SART1: variants seen among roughly 807,000 people sequenced by gnomAD.
SART1 encodes U4/U6.U5 tri-snRNP-associated protein 1.
In SART1, 28 loss-of-function variants were observed where a neutral mutation model predicts 105.0. The ratio of observed to expected loss-of-function variants is 0.27; its 90% CI spans 0.20 to 0.37. SART1 has a LOEUF of 0.37. Ranked by LOEUF, SART1 falls within the 10% of genes least tolerant of loss-of-function variation. The probability of loss-of-function intolerance (pLI) is 1.00; values close to 1 mark genes in which losing one functional copy is unlikely to be tolerated. For synonymous variants in SART1, 472 were observed against 462.9 expected (o/e 1.02, Z -0.25); for missense variants, 894 against 1,106.5 (o/e 0.81, Z 2.72).
chr11:65,979,231 C>A lies in SART1; in HGVS notation c.*201C>A. 1.5e-6 allele frequency: 1 copy of A among 666,482 alleles called. No homozygotes were observed. Among genetic ancestry groups the A allele is most frequent in the Admixed American group, 2.7e-5 (1 of 37,178 alleles). 41.3% of individuals were successfully genotyped at this position (666,482 alleles called of 1,614,324 possible). The stretch of plus-strand genomic sequence containing the variant: ...GATGGAAGAGAGAGCGAGCCCGGGT[C>A]CTCTAAGGCTCCTTCCTTCTCCCCT... On this transcript the variant is annotated 3_prime_UTR_variant, in exon 20 of 20. Transcript: ENST00000312397.
At chr11:65,967,886 A>G (rs1188327871) in intron 12 of SART1, 65 bp downstream of exon 12, 6 of 1,320,750 alleles carry the variant, frequency 4.5e-6, no homozygotes, top group Non-Finnish European at 6.0e-6. Flanking sequence ...CACCTGTGTC[A>G]TAGGCGACAG....
intron 1 of SART1, among the ~76,000 whole-genome samples, chr11:65,963,439 A>G (rs892804967): frequency 2.0e-5 from 3 of 151,982 alleles, no homozygotes; most frequent in Non-Finnish European, 4.4e-5. Flanking sequence ...AGGAGAAGGT[A>G]GGATGCAGGA....
In SART1 at chr11:65,976,916, ATGT is replaced by A. The variant is rs1855492269; in HGVS notation, c.1858-94_1858-92del. ...TCTGAGGAGTAAATGAGGAAATTAAATGTTGTGGAGGGCTGGTGCCTGGCAGGT... is the reference window on the plus strand; with the variant it reads ...TCTGAGGAGTAAATGAGGAAATTAAATGTGGAGGGCTGGTGCCTGGCAGGT... On this transcript the variant is annotated intron_variant, in intron 14 of 19. Transcript: ENST00000312397. The surrounding 1 kb of genome is among the most constrained non-coding windows in gnomAD (Gnocchi z 5.1). The A allele has an allele frequency of 1.7e-6, 2 of 1,193,032 alleles. No homozygotes were observed. Among genetic ancestry groups the A allele is most frequent in the Non-Finnish European group, 2.5e-6 (2 of 812,258 alleles). 73.9% of individuals were successfully genotyped at this position (1,193,032 alleles called of 1,614,324 possible).
chr11:65,963,854 G>T (rs1855195071), intron 1 of SART1, among the ~76,000 whole-genome samples: 4 of 152,198 alleles, frequency 2.6e-5, no homozygotes, highest in Admixed American at 1.3e-4. Flanking sequence ...GATGTCTTGG[G>T]TCAGGAAAGG....
chr11:65,967,878 C>A, intron 12 of SART1, 57 bp downstream of exon 12: 1 of 1,389,952 alleles, frequency 7.2e-7, no homozygotes, highest in Non-Finnish European at 9.5e-7. Flanking sequence ...CTCACGAGCA[C>A]CTGTGTCATA....
chr11:65,968,702 G>A (rs894484621), intron 12 of SART1, among the ~76,000 whole-genome samples: 3 of 152,278 alleles, frequency 2.0e-5, no homozygotes, highest in African/African-American at 7.2e-5. Flanking sequence ...CAACCAGCAG[G>A]TGTCTCAGGA....
In SART1 at chr11:65,964,493, C is replaced by A. The variant is rs1565312227; in HGVS notation, c.372-22C>A. On this transcript the variant is annotated intron_variant, in intron 2 of 19. Transcript: ENST00000312397. ...ACCCTGTGTCTTTAATAGCCCCTAA[C>A]ACTTGTATCTCTTGTTGTCAGCAAA... 4.3e-6 allele frequency: 7 copies of A among 1,612,992 alleles called. No individual in the cohort carries two copies. In the South Asian group the frequency reaches 7.7e-5, roughly 18 times the overall value.
Position 65,961,985 on chromosome 11 carries a change from G to A in SART1, c.205G>A (p.Gly69Arg). The stretch of plus-strand genomic sequence containing the variant: ...GGGCGAGCGCGGGAGCGGGCGGCGC[G>A]GGGCCGAAGCTGAGGCCCGGAGCAG... Reference protein sequence around the residue: ...RGGERGSGRRGAEAEARSSTH... With the variant: ...RGGERGSGRRRAEAEARSSTH... Residue 69 changes from glycine (G) to arginine (R), a missense_variant, in exon 1 of 20, where the codon GGG (glycine) becomes AGG (arginine). Gly to Arg is a moderately radical substitution (Grantham distance 125). This residue lies in a region of SART1 where 712 missense variants were observed against 778.2 expected (regional missense o/e 0.91). Coordinates refer to ENST00000312397, the MANE Select transcript of SART1 (RefSeq NM_005146.5). The A allele has an allele frequency of 6.6e-7, 1 of 1,520,882 alleles. No homozygotes were observed. The highest frequency in any genetic ancestry group is 8.8e-7 in the Non-Finnish European group (1 of 1,137,778). 94.2% of individuals were successfully genotyped at this position (1,520,882 alleles called of 1,614,324 possible).
At chr11:65,970,616 G>C (rs1419800461) in intron 12 of SART1, among the ~76,000 whole-genome samples, 1 of 116,778 alleles carries the variant, frequency 8.6e-6, no homozygotes, top group Non-Finnish European at 1.9e-5. Flanking sequence ...ATGGCCGATT[G>C]TTCTGGTGTT....
At chr11:65,969,870 A>G (rs1027782265) in intron 12 of SART1, among the ~76,000 whole-genome samples, 6 of 152,148 alleles carry the variant, frequency 3.9e-5, no homozygotes, top group Admixed American at 6.5e-5. Context: ...CTACAGGTGC[A>G]TGCCACCACG....
In SART1 at chr11:65,977,083, C is replaced by T. The variant is rs370669502; in HGVS notation, c.1927C>T (p.Leu643Phe). The change falls in exon 15 of 20, where the codon CTC (leucine) becomes TTC (phenylalanine). Residue 643 changes from leucine (L) to phenylalanine (F), a missense_variant. Leu to Phe is a conservative substitution (Grantham distance 22). This residue lies in a region of SART1 where 182 missense variants were observed against 328.3 expected (regional missense o/e 0.55). Transcript: ENST00000312397. ...GAATAGGGGGCTGGCAGCTGCCCTG[C>T]TCCTGTGTCAGAACAAAGGTAGGGA... ...IVNRGLAAALLLCQNKGLLET... is the reference protein window; with the variant it reads ...IVNRGLAAALFLCQNKGLLET... The T allele has an allele frequency of 1.2e-5, 20 of 1,613,358 alleles. No individual in the cohort carries two copies. Among genetic ancestry groups the T allele is most frequent in the African/African-American group, 2.7e-5 (2 of 74,924 alleles).
intron 15 of SART1, 48 bp from the exon 16 acceptor site, chr11:65,977,515 G>A: frequency 6.5e-7 from 1 of 1,537,784 alleles, no homozygotes; most frequent in Non-Finnish European, 9.0e-7. Context: ...CGGCCCTGGA[G>A]CTGTGGCTCT....
Position 65,962,061 on chromosome 11 carries a change from A to T in SART1, c.281A>T (p.Lys94Met), listed in dbSNP as rs1255808515. ...SQAEPSERRV[K>M]REKRDDGYEA... is the part of the protein sequence containing the mutation. ...GCAGAGCCCTCCGAGCGGCGCGTGA[A>T]GCGGGAGAAGCGCGATGACGGCTAC... The change falls in exon 1 of 20, where the codon AAG becomes ATG. Residue 94 changes from lysine (K) to methionine (M), a missense_variant. Coordinates refer to ENST00000312397, the MANE Select transcript of SART1 (RefSeq NM_005146.5). 1.6e-6 allele frequency: 2 copies of T among 1,232,762 alleles called. No individual in the cohort carries two copies. The highest frequency in any genetic ancestry group is 3.0e-5 in the Admixed American group (1 of 33,078). 76.4% of individuals were successfully genotyped at this position (1,232,762 alleles called of 1,614,324 possible). A position where few individuals can be genotyped will look rare whatever the true frequency, so the allele number is the denominator to read the frequency against.
rs755287286 is a variant in SART1, at chr11:65,978,983, C to T, written c.2385-29C>T. On this transcript the variant is annotated intron_variant, in intron 19 of 19. Coordinates refer to ENST00000312397, the MANE Select transcript of SART1 (RefSeq NM_005146.5). The surrounding 1 kb of genome is among the most constrained non-coding windows in gnomAD (Gnocchi z 6.8). ...GTGGCGTGGCCTGTGCCCGCCTCTG[C>T]AGCCTCACGCCCCTGTTCTTCTCTG... 1.9e-6 allele frequency: 3 copies of T among 1,613,986 alleles called. No homozygotes were observed. Among genetic ancestry groups the T allele is most frequent in the South Asian group, 1.1e-5 (1 of 91,090 alleles).
At position 65,978,215 on chromosome 11, in the gene SART1, G is replaced by T; in HGVS notation, c.2172+316G>T. 2.0e-6 allele frequency: 1 copy of T among 500,622 alleles called. No individual in the cohort carries two copies. The highest frequency in any genetic ancestry group is 3.6e-6 in the Non-Finnish European group (1 of 276,486). 31.0% of individuals were successfully genotyped at this position (500,622 alleles called of 1,614,324 possible). On this transcript the variant is annotated intron_variant, in intron 17 of 19. Transcript: ENST00000312397. This position sits in a 1 kb window ranked among gnomAD's most constrained non-coding sequence, Gnocchi z 6.8. ...TTTCCTGGCCCGCAGGGCCATTCCA[G>T]CGTCCAGGCCCTTCCAGCACTCTCG...
In SART1 at chr11:65,976,181, A is replaced by G. The variant is rs1449680049; in HGVS notation, c.1573-214A>G. Among the ~76,000 whole-genome samples the G allele has an allele frequency of 6.6e-6, 1 of 152,072 alleles. No homozygotes were observed. The highest frequency in any genetic ancestry group is 1.5e-5 in the Non-Finnish European group (1 of 68,014). On this transcript the variant is annotated intron_variant, in intron 12 of 19. Transcript: ENST00000312397. This position sits in a 1 kb window ranked among gnomAD's most constrained non-coding sequence, Gnocchi z 5.1. ...CTGTAGGATGTTGGGTATTCATTCA[A>G]AGGGCATCCAAACCCATTGATGGGT...
rs747866290 is a variant in SART1 at position 65,965,082 on chromosome 11, C to T, written c.428-10C>T. ...GCGGGCATAGCCTCACGTCTGGGCCCCCCTTCCAGAGGCGGGCACCAAGGA... is the reference window on the plus strand; with the variant it reads ...GCGGGCATAGCCTCACGTCTGGGCCTCCCTTCCAGAGGCGGGCACCAAGGA... On this transcript the variant is annotated splice_polypyrimidine_tract_variant and intron_variant, in intron 3 of 19. Coordinates refer to ENST00000312397, the MANE Select transcript of SART1 (RefSeq NM_005146.5). 5.1e-6 allele frequency: 8 copies of T among 1,567,624 alleles called. No homozygotes were observed. Among genetic ancestry groups the T allele is most frequent in the South Asian group, 4.7e-5 (4 of 85,172 alleles).
chr11:65,966,714 G>A (rs1855267325), intron 9 of SART1, among the ~76,000 whole-genome samples, 158 bp downstream of exon 9: 1 of 152,238 alleles, frequency 6.6e-6, no homozygotes, highest in South Asian at 2.1e-4. Context: ...GGAGGCACCA[G>A]GTGTGGATGG....
At chr11:65,966,967 G>A (rs984336743) in intron 9 of SART1, among the ~76,000 whole-genome samples, 3 of 152,216 alleles carry the variant, frequency 2.0e-5, no homozygotes, top group South Asian at 2.1e-4. Flanking sequence ...CAGCTGGCGC[G>A]GTAGGCGTCT....
Sources: allele counts gnomAD v4.1 joint callset (sites outside exome capture counted in the v4.1 genomes callset), GRCh38; gene constraint gnomAD v4.1.1; regional missense constraint gnomAD v4.1.1; non-coding constraint Gnocchi (gnomAD v3.1); transcripts MANE v1.5; gene names NCBI Gene and HGNC (gene_info 2026-07-23, HGNC 2026-07-21).